Variants in SLC35A1 observed in about 807,000 individuals in gnomAD.
SLC35A1 encodes the protein solute carrier family 35 member A1, also known as CMP-sialic acid transporter.
Under a neutral mutation model 40.3 loss-of-function variants are expected in SLC35A1, and 21 were observed. The observed-to-expected ratio is 0.52, with a 90% CI of 0.37 to 0.75. The LOEUF is 0.75. Ranked by LOEUF, SLC35A1 falls within the 30% of genes least tolerant of loss-of-function variation. The probability of loss-of-function intolerance (pLI) is 0.00; values close to 1 mark genes in which losing one functional copy is unlikely to be tolerated. For synonymous variants in SLC35A1, 146 were observed against 147.3 expected (o/e 0.99, Z 0.06); for missense variants, 297 against 382.1 (o/e 0.78, Z 1.86).
At position 87,506,421 on chromosome 6, in the gene SLC35A1, A is replaced by ATTGCTGTATTGTGCTCAGGAT. The variant is rs1770085348; in HGVS notation, c.552_572dup (p.Val185_Ala191dup). 2 of 1,613,562 alleles carry ATTGCTGTATTGTGCTCAGGAT rather than the reference A, an allele frequency of 1.2e-6. No individual in the cohort carries two copies. The highest frequency in any genetic ancestry group is 1.3e-5 in the African/African-American group (1 of 74,912). ...ATTATTAGGGTTTGGCGCTATAGCT[A>ATTGCTGTATTGTGCTCAGGAT]TTGCTGTATTGTGCTCAGGATTTGC... On this transcript the variant is annotated inframe_insertion, in exon 5 of 8. Coordinates refer to ENST00000369552, the MANE Select transcript of SLC35A1 (RefSeq NM_006416.5).
chr6:87,472,988 G>C lies in SLC35A1; in HGVS notation c.-16G>C. ...AGGGGGCGGGCGTCAGTTCCGCGGG[G>C]GGCTGTCGGGGAACCATGGCTGCCC... On this transcript the variant is annotated 5_prime_UTR_variant, in exon 1 of 8. Coordinates refer to ENST00000369552, the MANE Select transcript of SLC35A1 (RefSeq NM_006416.5). 1 of 665,944 alleles carries C rather than the reference G, an allele frequency of 1.5e-6. No homozygotes were observed. The highest frequency in any genetic ancestry group is 4.1e-5 in the Admixed American group (1 of 24,458). The allele number at this position is 665,944 out of a possible 1,614,324, so 41.3% of individuals were successfully genotyped here.
intron 2 of SLC35A1, among the ~76,000 whole-genome samples, chr6:87,488,801 C>CT (rs1769460983): frequency 6.6e-6 from 1 of 152,210 alleles, no homozygotes; most frequent in African/African-American, 2.4e-5. Context: ...CATACAATCT[C>CT]TGACTAAAAA....
chr6:87,500,410 A>G, intron 2 of SLC35A1, 98 bp from the exon 3 acceptor site: 3 of 1,187,138 alleles, frequency 2.5e-6, no homozygotes, highest in Admixed American at 1.7e-5. Flanking sequence ...TACAGCAAGC[A>G]TAGTATGCTT....
intron 2 of SLC35A1, among the ~76,000 whole-genome samples, chr6:87,486,996 G>A (rs999071261): frequency 6.6e-6 from 1 of 152,010 alleles, no homozygotes; most frequent in Non-Finnish European, 1.5e-5. Flanking sequence ...GGCCAACATG[G>A]TAAAACCCCA....
intron 2 of SLC35A1, among the ~76,000 whole-genome samples, chr6:87,478,780 C>T (rs150900032): frequency 6.5e-4 from 99 of 152,280 alleles, no homozygotes; most frequent in African/African-American, 2.3e-3. Context: ...AAACAGCACT[C>T]GAATACAAAA....
chr6:87,479,881 G>C (rs984555527), intron 2 of SLC35A1, among the ~76,000 whole-genome samples: 2 of 152,160 alleles, frequency 1.3e-5, no homozygotes, highest in African/African-American at 4.8e-5. Flanking sequence ...GACTCCAATT[G>C]CATCTAAATA....
intron 7 of SLC35A1, among the ~76,000 whole-genome samples, chr6:87,509,652 G>A (rs148866783): frequency 2.0e-3 from 300 of 152,052 alleles, no homozygotes; most frequent in African/African-American, 7.0e-3. Context: ...GGTGTGAGAC[G>A]GTTTTGAAAA....
Position 87,477,479 on chromosome 6 carries a change from C to T in SLC35A1, c.134C>T (p.Thr45Ile). 6.2e-7 allele frequency: 1 copy of T among 1,614,044 alleles called. No homozygotes were observed. The highest frequency in any genetic ancestry group is 1.1e-5 in the South Asian group (1 of 91,080). The change falls in exon 2 of 8, where the codon ACC (threonine) becomes ATC (isoleucine). Residue 45 changes from threonine to isoleucine, a missense_variant. Transcript: ENST00000369552. ...RTSDKELYFS[T>I]TAVCITEVIK... ...TCAGACAAAGAACTCTACTTTTCAA[C>T]CACAGCCGTGTGTATCACAGAAGTT...
At chr6:87,489,072 A>G (rs1769468170) in intron 2 of SLC35A1, among the ~76,000 whole-genome samples, 1 of 152,250 alleles carries the variant, frequency 6.6e-6, no homozygotes, top group Non-Finnish European at 1.5e-5. Context: ...TCACATTAGT[A>G]TGGTAAAAGT....
intron 5 of SLC35A1, 107 bp downstream of exon 5, chr6:87,506,555 A>T: frequency 1.1e-6 from 1 of 913,292 alleles, no homozygotes; most frequent in African/African-American, 1.6e-5. Context: ...TTCCCATTAA[A>T]CTTGATCTTC....
At chr6:87,498,348 ATGT>A (rs1281670331) in intron 2 of SLC35A1, among the ~76,000 whole-genome samples, 1 of 152,194 alleles carries the variant, frequency 6.6e-6, no homozygotes, top group Admixed American at 6.5e-5. Flanking sequence ...GATAATTATA[ATGT>A]TCAGTTATCT....
At chr6:87,481,781 C>T (rs1769252687) in intron 2 of SLC35A1, among the ~76,000 whole-genome samples, 1 of 152,046 alleles carries the variant, frequency 6.6e-6, no homozygotes, top group African/African-American at 2.4e-5. Context: ...AAGAAAAACC[C>T]ATTGTGCTTT....
At chr6:87,475,173 T>C (rs1562016170) in intron 1 of SLC35A1, among the ~76,000 whole-genome samples, 1 of 152,208 alleles carries the variant, frequency 6.6e-6, no homozygotes, top group African/African-American at 2.4e-5. Flanking sequence ...CAAATGAGCA[T>C]GGCTATGTTC....
intron 5 of SLC35A1, chr6:87,507,200 T>C (rs1209498647): frequency 6.6e-6 from 1 of 152,222 alleles, no homozygotes. Flanking sequence ...TTTGTACCTA[T>C]TTCAAGTCAG....
At chr6:87,496,772 T>G (rs1380374957) in intron 2 of SLC35A1, among the ~76,000 whole-genome samples, 1 of 99,260 alleles carries the variant, frequency 1.0e-5, no homozygotes, top group Non-Finnish European at 1.9e-5. Context: ...ATGGCTAGAC[T>G]CCATCTCAAA....
chr6:87,480,628 C>A (rs1038027109), intron 2 of SLC35A1, among the ~76,000 whole-genome samples: 1 of 152,116 alleles, frequency 6.6e-6, no homozygotes, highest in Non-Finnish European at 1.5e-5. Flanking sequence ...GAGAACAAAG[C>A]GCATCTTAAA....
intron 6 of SLC35A1, 174 bp downstream of exon 6, chr6:87,508,770 T>G: frequency 1.3e-6 from 1 of 751,948 alleles, no homozygotes; most frequent in Admixed American, 2.8e-5. Context: ...CAAAATTGCT[T>G]TGGGATAGCA....
chr6:87,509,039 A>G lies in SLC35A1; in HGVS notation c.752-2A>G, dbSNP rs1770175664. ...AAGATTTTATTTCTCTCTGTATACA[A>G]GTTCTTGCAAGTGTTGGTGGCCTCT... On this transcript the variant is annotated splice_acceptor_variant, in intron 6 of 7. Coordinates refer to ENST00000369552, the MANE Select transcript of SLC35A1 (RefSeq NM_006416.5). LOFTEE classifies it high-confidence loss of function. The G allele has an allele frequency of 2.5e-6, 4 of 1,613,950 alleles. No homozygotes were observed. Among genetic ancestry groups the G allele is most frequent in the Non-Finnish European group, 3.4e-6 (4 of 1,179,850 alleles).
intron 2 of SLC35A1, among the ~76,000 whole-genome samples, chr6:87,494,350 GA>G (rs1476932134): frequency 1.2e-4 from 18 of 152,036 alleles, no homozygotes; most frequent in South Asian, 2.1e-4. Flanking sequence ...TGTTTTGAGG[GA>G]GGGGCAGATT....
Sources: gnomAD v4.1 joint callset for allele counts (sites outside exome capture counted in the v4.1 genomes callset) on GRCh38, gnomAD v4.1.1 for gene constraint, MANE v1.5 for transcripts, NCBI Gene and HGNC (gene_info 2026-07-23, HGNC 2026-07-21) for gene names.